NOL4: variants seen among roughly 807,000 people sequenced by gnomAD.
NOL4 encodes cancer/testis antigen 125.
In NOL4, 17 loss-of-function variants were observed where a neutral mutation model predicts 75.9. That is an observed-to-expected ratio of 0.22 (90% CI 0.15 to 0.34). The LOEUF is 0.34. Among genes scored for constraint, NOL4 ranks in the 10% least tolerant of loss-of-function variants. The pLI, the probability that NOL4 is intolerant of heterozygous loss-of-function variation, is 1.00. For synonymous variants in NOL4, 292 were observed against 289.9 expected (o/e 1.01, Z -0.07); for missense variants, 614 against 793.5 (o/e 0.77, Z 2.72).
intron 1 of NOL4, among the ~76,000 whole-genome samples, chr18:34,202,079 C>T (rs1301376341): frequency 6.6e-6 from 1 of 151,658 alleles, no homozygotes; most frequent in East Asian, 1.9e-4. Flanking sequence ...ATCTGGTAAC[C>T]AGTTAGAGTT....
intron 9 of NOL4, among the ~76,000 whole-genome samples, chr18:33,936,519 C>G (rs2068069482): frequency 6.6e-6 from 1 of 151,242 alleles, no homozygotes. Context: ...ATTTCCCCTT[C>G]CCTCCACTGT....
At chr18:34,051,845 A>G (rs1231917836) in intron 5 of NOL4, among the ~76,000 whole-genome samples, 2 of 152,014 alleles carry the variant, frequency 1.3e-5, no homozygotes, top group African/African-American at 2.4e-5. Context: ...TTAGTGCTTC[A>G]GAGGAAAATA....
At chr18:34,116,918 T>C (rs1481917200) in intron 2 of NOL4, among the ~76,000 whole-genome samples, 1 of 152,210 alleles carries the variant, frequency 6.6e-6, no homozygotes, top group Non-Finnish European at 1.5e-5. Context: ...ATTTCTAAGT[T>C]ATTCAATAAA....
At chr18:34,042,659 C>A (rs895619677) in intron 5 of NOL4, among the ~76,000 whole-genome samples, 1 of 152,072 alleles carries the variant, frequency 6.6e-6, no homozygotes, top group Non-Finnish European at 1.5e-5. Context: ...TATTAAGCAT[C>A]CGGTGCAGCA....
chr18:34,194,077 G>A (rs867039719), intron 1 of NOL4, among the ~76,000 whole-genome samples: 2 of 152,000 alleles, frequency 1.3e-5, no homozygotes, highest in African/African-American at 2.4e-5. Flanking sequence ...TAGGGTGGGG[G>A]ATAGGGGTTG....
intron 6 of NOL4, among the ~76,000 whole-genome samples, chr18:33,976,458 A>G (rs117188249): frequency 0.022 from 3,369 of 152,286 alleles, 54 homozygotes; most frequent in Non-Finnish European, 0.027. Context: ...TACAAACACA[A>G]TTATTAAAGT....
At chr18:33,959,438 A>G (rs1359121627) in intron 6 of NOL4, among the ~76,000 whole-genome samples, 1 of 152,050 alleles carries the variant, frequency 6.6e-6, no homozygotes, top group East Asian at 1.9e-4. Context: ...CAGAAAATCC[A>G]AGTATATGGT....
chr18:34,208,926 T>C (rs569255692), intron 1 of NOL4, among the ~76,000 whole-genome samples: 1 of 151,560 alleles, frequency 6.6e-6, no homozygotes, highest in South Asian at 2.1e-4. Context: ...AAGCAAGAAA[T>C]AGGCCAGGTG....
chr18:33,883,207 A>C, intron 10 of NOL4, 37 bp downstream of exon 10: 1 of 1,489,714 alleles, frequency 6.7e-7, no homozygotes, highest in Non-Finnish European at 9.1e-7. Context: ...AAAGTATAAT[A>C]ATTAAAAAAA....
At chr18:33,917,444 A>G (rs1289126039) in intron 9 of NOL4, among the ~76,000 whole-genome samples, 1 of 152,166 alleles carries the variant, frequency 6.6e-6, no homozygotes, top group Non-Finnish European at 1.5e-5. Flanking sequence ...GATAGGGTAT[A>G]TAAAACAAAA....
rs1429090379 is a variant in NOL4, at chr18:34,064,354, C to T, written c.772+29111G>A. ...ATGCAAATAATACTGCAGTTGTACTCGTTGTATTGTCTGAGATTGTATGCA... is the reference window on the plus strand; with the variant it reads ...ATGCAAATAATACTGCAGTTGTACTTGTTGTATTGTCTGAGATTGTATGCA... On this transcript the variant is annotated intron_variant, in intron 5 of 10. Coordinates refer to ENST00000261592, the MANE Select transcript of NOL4 (RefSeq NM_003787.5). Among the ~76,000 whole-genome samples, 4 of 151,936 alleles carry T rather than the reference C, an allele frequency of 2.6e-5. No individual in the cohort carries two copies. In the South Asian group the frequency reaches 6.2e-4, roughly 24 times the overall value.
intron 6 of NOL4, among the ~76,000 whole-genome samples, chr18:33,986,879 T>G (rs574963462): frequency 1.9e-4 from 29 of 152,218 alleles, no homozygotes; most frequent in Non-Finnish European, 3.8e-4. Context: ...TGTGCTTCAG[T>G]TGGTAAATAA....
chr18:33,998,839 T>C (rs1467724883), intron 6 of NOL4, among the ~76,000 whole-genome samples: 1 of 152,102 alleles, frequency 6.6e-6, no homozygotes, highest in Admixed American at 6.6e-5. Flanking sequence ...TAGATGGCCC[T>C]TGAAATGTAT....
At chr18:33,945,123 A>G (rs2068750685) in intron 8 of NOL4, among the ~76,000 whole-genome samples, 2 of 151,902 alleles carry the variant, frequency 1.3e-5, no homozygotes, top group Admixed American at 1.3e-4. Context: ...AAAGTACATT[A>G]TTAGATCTTT....
intron 9 of NOL4, among the ~76,000 whole-genome samples, chr18:33,924,838 T>C (rs1568070601): frequency 6.6e-6 from 1 of 152,160 alleles, no homozygotes; most frequent in Non-Finnish European, 1.5e-5. Flanking sequence ...ATCTAGGGTG[T>C]TGTTCTTAAA....
intron 2 of NOL4, among the ~76,000 whole-genome samples, chr18:34,119,625 T>G (rs1484266980): frequency 6.6e-6 from 1 of 151,832 alleles, no homozygotes; most frequent in Admixed American, 6.6e-5. Context: ...TTATTTTTTT[T>G]ATTTTTATTT....
chr18:34,121,905 G>A (rs935558507), intron 2 of NOL4, among the ~76,000 whole-genome samples: 1 of 152,144 alleles, frequency 6.6e-6, no homozygotes, highest in South Asian at 2.1e-4. Context: ...AAGGCCTGGA[G>A]TACTTGGGAC....
intron 8 of NOL4, among the ~76,000 whole-genome samples, chr18:33,953,643 A>G (rs558209048): frequency 6.6e-6 from 1 of 152,342 alleles, no homozygotes; most frequent in Non-Finnish European, 1.5e-5. Context: ...CAGGCAAGTC[A>G]AGAGGAACTT....
Position 33,873,787 on chromosome 18 carries a change from TTG to T in NOL4, c.1723+9455_1723+9456del, listed in dbSNP as rs531533653. Among the ~76,000 whole-genome samples, 15 of 152,124 alleles carry T rather than the reference TTG, an allele frequency of 9.9e-5. No homozygotes were observed. The East Asian group carries it at 2.9e-3, about 29-fold the overall frequency. ...TTTAAAAATGTCACCTTGCCTGCCC[TTG>T]TGCATAGTCTATAGAAAGCAGCACA... On this transcript the variant is annotated intron_variant, in intron 10 of 10. Transcript: ENST00000261592.
Sources: gnomAD v4.1 joint callset for allele counts (sites outside exome capture counted in the v4.1 genomes callset) on GRCh38, gnomAD v4.1.1 for gene constraint, MANE v1.5 for transcripts, NCBI Gene and HGNC (gene_info 2026-07-23, HGNC 2026-07-21) for gene names.